SGCZ: variants seen among roughly 807,000 people sequenced by gnomAD.
SGCZ encodes zeta-sarcoglycan.
SGCZ carries 40 observed loss-of-function variants against 41.3 expected under a neutral mutation model. The observed-to-expected ratio is 0.97, with a 90% CI of 0.75 to 1.26. The LOEUF is 1.26. SGCZ is among the 50% of genes most tolerant of loss of function. The pLI is 0.00. For synonymous variants in SGCZ, 206 were observed against 137.5 expected, an observed-to-expected ratio of 1.50 and a Z score of -3.49; for missense variants, 552 against 369.8, an observed-to-expected ratio of 1.49 and a Z score of -4.04.
chr8:14,683,298 T>A (rs17120041), intron 1 of SGCZ, among the ~76,000 whole-genome samples: 1 of 152,044 alleles, frequency 6.6e-6, no homozygotes, highest in East Asian at 1.9e-4. Flanking sequence ...CAAGAAAGTA[T>A]GACAGATGTT....
At chr8:14,189,026 T>TTTTTC (rs1437408552) in intron 4 of SGCZ, among the ~76,000 whole-genome samples, 1 of 150,942 alleles carries the variant, frequency 6.6e-6, no homozygotes, top group African/African-American at 2.4e-5. Context: ...CAGCTTTTTT[T>TTTTTC]TTTTGTATTT....
chr8:14,429,959 T>C (rs1262470674), intron 2 of SGCZ, among the ~76,000 whole-genome samples: 1 of 152,168 alleles, frequency 6.6e-6, no homozygotes, highest in African/African-American at 2.4e-5. Context: ...GTATTCATAG[T>C]AGTCTTGAAC....
At chr8:14,214,511 T>A (rs1422807838) in intron 4 of SGCZ, among the ~76,000 whole-genome samples, 1 of 152,164 alleles carries the variant, frequency 6.6e-6, no homozygotes, top group African/African-American at 2.4e-5. Flanking sequence ...AACTGGAACT[T>A]TCTGTACTAG....
intron 4 of SGCZ, among the ~76,000 whole-genome samples, chr8:14,188,664 A>G (rs2117040409): frequency 6.6e-6 from 1 of 152,312 alleles, no homozygotes; most frequent in East Asian, 1.9e-4. Context: ...ACTGCATTGT[A>G]CATTTAAATG....
chr8:15,186,183 A>C (rs1040473115), intron 1 of SGCZ, among the ~76,000 whole-genome samples: 2 of 147,092 alleles, frequency 1.4e-5, no homozygotes, highest in African/African-American at 5.0e-5. Flanking sequence ...AATGGCATGA[A>C]CCCGGGAGGC....
intron 3 of SGCZ, among the ~76,000 whole-genome samples, 164 bp from the exon 4 acceptor site, chr8:14,237,843 G>A (rs891000680): frequency 1.4e-4 from 21 of 152,180 alleles, no homozygotes; most frequent in African/African-American, 4.8e-4. Flanking sequence ...GTACAAAACT[G>A]AGAGCCTCAT....
chr8:15,195,347 G>A (rs1460389864), intron 1 of SGCZ, among the ~76,000 whole-genome samples: 1 of 152,078 alleles, frequency 6.6e-6, no homozygotes, highest in African/African-American at 2.4e-5. Context: ...TGGAATGTTC[G>A]GTAACTGATT....
chr8:14,183,383 A>G (rs1804793960), intron 4 of SGCZ, among the ~76,000 whole-genome samples: 1 of 152,172 alleles, frequency 6.6e-6, no homozygotes, highest in Non-Finnish European at 1.5e-5. Flanking sequence ...AAAATGGGAA[A>G]CACTCTCCAA....
chr8:14,346,390 AT>A (rs1471482369), intron 2 of SGCZ, among the ~76,000 whole-genome samples: 1 of 152,038 alleles, frequency 6.6e-6, no homozygotes, highest in Non-Finnish European at 1.5e-5. Flanking sequence ...ACTTTGTCTT[AT>A]TTGGGGAATT....
At chr8:14,379,702 C>A (rs774097525) in intron 2 of SGCZ, among the ~76,000 whole-genome samples, 1 of 151,844 alleles carries the variant, frequency 6.6e-6, no homozygotes, top group African/African-American at 2.4e-5. Flanking sequence ...GATGGGAGCT[C>A]CTACCCTACA....
chr8:14,877,656 C>A (rs78873433), intron 1 of SGCZ, among the ~76,000 whole-genome samples: 10 of 152,100 alleles, frequency 6.6e-5, no homozygotes, highest in African/African-American at 2.4e-4. Flanking sequence ...CAATAATTCT[C>A]CCTTTTACTG....
At chr8:14,562,920 G>C (rs1804249502) in intron 1 of SGCZ, among the ~76,000 whole-genome samples, 1 of 152,178 alleles carries the variant, frequency 6.6e-6, no homozygotes, top group Admixed American at 6.5e-5. Context: ...AGGAACTAGA[G>C]ACAATGTCAG....
At chr8:15,097,702 C>G (rs1166637448) in intron 1 of SGCZ, among the ~76,000 whole-genome samples, 1 of 147,856 alleles carries the variant, frequency 6.8e-6, no homozygotes, top group African/African-American at 2.5e-5. Context: ...ACATTACTGT[C>G]TACGCGACAG....
At chr8:14,615,470 G>A (rs764477360) in intron 1 of SGCZ, among the ~76,000 whole-genome samples, 156 of 152,282 alleles carry the variant, frequency 1.0e-3, no homozygotes, top group Non-Finnish European at 7.6e-4. Flanking sequence ...TTCATAAATA[G>A]TTCTTTGCTC....
chr8:15,077,022 A>G (rs898832743), intron 1 of SGCZ, among the ~76,000 whole-genome samples: 2 of 152,182 alleles, frequency 1.3e-5, no homozygotes, highest in East Asian at 3.9e-4. Context: ...GTTTTAAGTT[A>G]CGACGCCAAA....
chr8:14,217,396 C>T (rs151152047), intron 4 of SGCZ, among the ~76,000 whole-genome samples: 259 of 151,316 alleles, frequency 1.7e-3, no homozygotes, highest in Middle Eastern at 7.0e-3. Flanking sequence ...TAAAGAAACG[C>T]CTATTGTCAA....
At chr8:14,217,251 G>A (rs1806029402) in intron 4 of SGCZ, among the ~76,000 whole-genome samples, 1 of 122,820 alleles carries the variant, frequency 8.1e-6, no homozygotes, top group Admixed American at 1.1e-4. Context: ...AGCCGAGATT[G>A]CACCACTGCA....
chr8:14,682,494 G>C (rs1469879870), intron 1 of SGCZ, among the ~76,000 whole-genome samples: 4 of 150,478 alleles, frequency 2.7e-5, no homozygotes, highest in Non-Finnish European at 4.4e-5. Context: ...GAGTGCAGTG[G>C]TGCAATCACG....
chr8:14,226,204 A>T (rs1458873317), intron 4 of SGCZ, among the ~76,000 whole-genome samples: 1 of 152,132 alleles, frequency 6.6e-6, no homozygotes, highest in African/African-American at 2.4e-5. Flanking sequence ...ATATATAAAA[A>T]AAGACAGACA....
Sources: allele counts gnomAD v4.1 joint callset (sites outside exome capture counted in the v4.1 genomes callset), GRCh38; gene constraint gnomAD v4.1.1; transcripts MANE v1.5; gene names NCBI Gene and HGNC (gene_info 2026-07-23, HGNC 2026-07-21).